AXDND1: variants seen among roughly 807,000 people sequenced by gnomAD.
The protein encoded by AXDND1 is axonemal dynein light chain domain-containing protein 1.
AXDND1 carries 110 observed loss-of-function variants against 137.5 expected under a neutral mutation model. The ratio of observed to expected loss-of-function variants is 0.80; its 90% CI spans 0.69 to 0.94. The LOEUF (loss-of-function observed/expected upper bound fraction) is 0.94, where lower values mean the gene tolerates loss of function less well. Ranked by LOEUF, AXDND1 falls within the 40% of genes least tolerant of loss-of-function variation. The pLI, the probability that AXDND1 is intolerant of heterozygous loss-of-function variation, is 0.00. For missense variants in AXDND1, 1,191 were observed against 1,169.8 expected (o/e 1.02, Z -0.26); for synonymous variants, 414 against 399.7 (o/e 1.04, Z -0.43).
chr1:179,368,855 T>G lies in AXDND1; in HGVS notation c.153T>G (p.Pro51=), dbSNP rs746093610. The G allele has an allele frequency of 6.2e-7, 1 of 1,613,858 alleles. No homozygotes were observed. The highest frequency in any genetic ancestry group is 1.1e-5 in the South Asian group (1 of 91,074). The change falls in exon 3 of 26, where the codon CCT becomes CCG. Residue 51 remains proline, a synonymous_variant. Coordinates refer to ENST00000367618, the MANE Select transcript of AXDND1 (RefSeq NM_144696.6). ...TGGTGGATCGTTCAAAACTCCTTCC[T>G]ACTTCCCTTCAGAATGAGTTCATTC... is the stretch of plus-strand genomic sequence containing the variant. ...KNMVDRSKLL[P]TSLQNEFIPK... is the part of the protein sequence containing the mutation.
chr1:179,388,829 C>T (rs1273876367), intron 9 of AXDND1, among the ~76,000 whole-genome samples: 1 of 151,142 alleles, frequency 6.6e-6, no homozygotes, highest in African/African-American at 2.4e-5. Context: ...CTCCTGGCCT[C>T]AAGCGATCCG....
Position 179,454,395 on chromosome 1 carries a change from T to A in AXDND1, c.1798+9191T>A, listed in dbSNP as rs139516017. 8.6e-3 allele frequency: 1,319 copies of A among 152,812 alleles called. 13 individuals are homozygous for A. The highest frequency in any genetic ancestry group is 0.014 in the Non-Finnish European group (983 of 68,440). 9.5% of individuals were successfully genotyped at this position (152,812 alleles called of 1,614,324 possible). A position where few individuals can be genotyped will look rare whatever the true frequency, so the allele number is the denominator to read the frequency against. On this transcript the variant is annotated intron_variant, in intron 16 of 25. Coordinates refer to ENST00000367618, the MANE Select transcript of AXDND1 (RefSeq NM_144696.6). ...ACAGCCACGTGGAACTGTAAGTCCATTAAACCTCTTTCTTCTGTGAATTGC... is the reference window on the plus strand; with the variant it reads ...ACAGCCACGTGGAACTGTAAGTCCAATAAACCTCTTTCTTCTGTGAATTGC...
At chr1:179,431,362 G>A (rs1232232207) in intron 14 of AXDND1, among the ~76,000 whole-genome samples, 3 of 151,840 alleles carry the variant, frequency 2.0e-5, no homozygotes, top group African/African-American at 4.8e-5. Context: ...GGCTGATCTC[G>A]AACTCCTGGC....
At chr1:179,370,445 C>T (rs1243537579) in intron 4 of AXDND1, among the ~76,000 whole-genome samples, 3 of 152,190 alleles carry the variant, frequency 2.0e-5, no homozygotes, top group Non-Finnish European at 2.9e-5. Flanking sequence ...TCTTTGTGGA[C>T]ATCTTTAGAA....
chr1:179,512,978 T>G (rs1304318215), intron 21 of AXDND1, among the ~76,000 whole-genome samples: 2 of 152,196 alleles, frequency 1.3e-5, no homozygotes, highest in Non-Finnish European at 2.9e-5. Context: ...TTTAGGGTTT[T>G]CAAGGTAAAT....
intron 20 of AXDND1, among the ~76,000 whole-genome samples, chr1:179,498,925 C>A (rs576296642): frequency 6.6e-6 from 1 of 150,404 alleles, no homozygotes; most frequent in East Asian, 2.0e-4. Flanking sequence ...CAAAAAAAAA[C>A]AACAGATGCT....
intron 11 of AXDND1, among the ~76,000 whole-genome samples, chr1:179,409,874 T>G (rs928896113): frequency 1.3e-5 from 2 of 149,284 alleles, no homozygotes; most frequent in South Asian, 2.1e-4. Context: ...ATCTCCAGTG[T>G]TTTTTTTTTA....
At chr1:179,505,258 T>C (rs1406065126) in intron 20 of AXDND1, among the ~76,000 whole-genome samples, 1 of 152,162 alleles carries the variant, frequency 6.6e-6, no homozygotes, top group Admixed American at 6.5e-5. Context: ...TTTGACCTAC[T>C]AGACTGATAT....
At chr1:179,394,753 G>A (rs1650783870) in intron 10 of AXDND1, among the ~76,000 whole-genome samples, 1 of 152,120 alleles carries the variant, frequency 6.6e-6, no homozygotes, top group Non-Finnish European at 1.5e-5. Context: ...CTTGAAGCAA[G>A]ATGGTTAGTG....
intron 16 of AXDND1, chr1:179,449,267 A>G: frequency 3.0e-6 from 1 of 336,700 alleles, no homozygotes; most frequent in South Asian, 2.2e-5. Flanking sequence ...TCCTAGCACC[A>G]TTTATTGAAA....
At chr1:179,505,656 A>T (rs1229470596) in intron 20 of AXDND1, among the ~76,000 whole-genome samples, 2 of 152,038 alleles carry the variant, frequency 1.3e-5, no homozygotes, top group Non-Finnish European at 2.9e-5. Context: ...TCAAAAAAAA[A>T]AAAAGAAAAA....
intron 15 of AXDND1, among the ~76,000 whole-genome samples, chr1:179,441,038 G>A (rs942652242): frequency 6.6e-6 from 1 of 152,192 alleles, no homozygotes; most frequent in Non-Finnish European, 1.5e-5. Flanking sequence ...CTGGAGTAGG[G>A]TGAGGGAATC....
rs1663505190 is a variant in AXDND1, at chr1:179,468,439, C to T, written c.1799-4C>T. ...AAAAGTTAATGCTTTTCTTACTTTT[C>T]TAGGTTACTCCAAAATTCTTCCAAG... On this transcript the variant is annotated splice_polypyrimidine_tract_variant and splice_region_variant and intron_variant, in intron 16 of 25. Transcript: ENST00000367618. The T allele has an allele frequency of 6.3e-7, 1 of 1,591,826 alleles. No homozygotes were observed. Among genetic ancestry groups the T allele is most frequent in the East Asian group, 2.2e-5 (1 of 44,620 alleles).
At chr1:179,393,191 C>T (rs1650465123) in intron 9 of AXDND1, among the ~76,000 whole-genome samples, 1 of 152,102 alleles carries the variant, frequency 6.6e-6, no homozygotes, top group African/African-American at 2.4e-5. Flanking sequence ...ATATGGCTTG[C>T]CAATTATCCC....
intron 9 of AXDND1, among the ~76,000 whole-genome samples, chr1:179,391,608 C>G (rs542676568): frequency 1.6e-4 from 25 of 152,224 alleles, no homozygotes; most frequent in South Asian, 1.2e-3. Context: ...GCAATCTCAG[C>G]TCACTGCCAC....
At chr1:179,511,637 C>T (rs1039280857) in intron 21 of AXDND1, among the ~76,000 whole-genome samples, 2 of 152,138 alleles carry the variant, frequency 1.3e-5, no homozygotes, top group African/African-American at 4.8e-5. Context: ...GGAATCTCCA[C>T]ACTGTTTTCC....
intron 20 of AXDND1, among the ~76,000 whole-genome samples, chr1:179,505,832 A>G (rs1416192376): frequency 6.6e-6 from 1 of 152,178 alleles, no homozygotes; most frequent in African/African-American, 2.4e-5. Context: ...AAGGCAGTCC[A>G]GGGGCTAATT....
At chr1:179,466,458 G>A (rs6669967) in intron 16 of AXDND1, among the ~76,000 whole-genome samples, 38,204 of 151,082 alleles carry the variant, frequency 0.25, 5,065 homozygotes, top group East Asian at 0.35. Flanking sequence ...ATAATTTGAC[G>A]GTGTTTTTCT....
intron 23 of AXDND1, 36 bp downstream of exon 23, chr1:179,528,467 T>G: frequency 1.4e-6 from 2 of 1,408,312 alleles, no homozygotes; most frequent in Non-Finnish European, 2.0e-6. Flanking sequence ...AATTCAACAC[T>G]ATTTAACATT....
Sources: gnomAD v4.1 joint callset for allele counts (sites outside exome capture counted in the v4.1 genomes callset) on GRCh38, gnomAD v4.1.1 for gene constraint, MANE v1.5 for transcripts, NCBI Gene and HGNC (gene_info 2026-07-23, HGNC 2026-07-21) for gene names.